The following PJA2 variants were observed in gnomAD, a reference collection of about 807,000 sequenced individuals.
PJA2 encodes praja ring finger ubiquitin ligase 2.
A neutral mutation model predicts 69.3 loss-of-function variants in PJA2; 25 were observed. That is an observed-to-expected ratio of 0.36 (90% CI 0.26 to 0.50). The LOEUF (loss-of-function observed/expected upper bound fraction) is 0.50, where lower values mean the gene tolerates loss of function less well. Ranked by LOEUF, PJA2 falls within the 20% of genes least tolerant of loss-of-function variation. The pLI, the probability that PJA2 is intolerant of heterozygous loss-of-function variation, is 0.96. For missense variants in PJA2, 809 were observed against 830.2 expected (o/e 0.97, Z 0.31); for synonymous variants, 308 against 277.8 (o/e 1.11, Z -1.08).
At chr5:109,391,708 A>G (rs1747285594) in intron 1 of PJA2, among the ~76,000 whole-genome samples, 1 of 152,166 alleles carries the variant, frequency 6.6e-6, no homozygotes, top group South Asian at 2.1e-4. Flanking sequence ...ATGATTATAT[A>G]TGAAAAAAAA....
chr5:109,369,850 T>C (rs1582606283), intron 4 of PJA2, among the ~76,000 whole-genome samples: 2 of 151,990 alleles, frequency 1.3e-5, no homozygotes, highest in African/African-American at 2.4e-5. Context: ...CTGACCAACA[T>C]AGAGAAACTC....
At chr5:109,361,378 G>C (rs1484576794) in intron 6 of PJA2, among the ~76,000 whole-genome samples, 1 of 152,126 alleles carries the variant, frequency 6.6e-6, no homozygotes, top group Non-Finnish European at 1.5e-5. Context: ...AAATCTTAGT[G>C]CCCCTATAGG....
intron 1 of PJA2, among the ~76,000 whole-genome samples, chr5:109,403,606 C>T (rs906332676): frequency 6.6e-6 from 1 of 150,900 alleles, no homozygotes; most frequent in Non-Finnish European, 1.5e-5. Context: ...GTAGATAATA[C>T]ACCATCACCA....
At chr5:109,360,483 T>G (rs1474844467) in intron 6 of PJA2, among the ~76,000 whole-genome samples, 1 of 152,182 alleles carries the variant, frequency 6.6e-6, no homozygotes, top group Admixed American at 6.5e-5. Context: ...GTGCCAAAGT[T>G]TGACTTTAGA....
intron 9 of PJA2, among the ~76,000 whole-genome samples, chr5:109,339,921 A>G (rs1019625208): frequency 6.6e-6 from 1 of 152,210 alleles, no homozygotes; most frequent in Non-Finnish European, 1.5e-5. Flanking sequence ...ATTATTTCCC[A>G]AATTTTGTTC....
chr5:109,342,441 C>T (rs1272649531), intron 9 of PJA2, among the ~76,000 whole-genome samples: 14 of 136,150 alleles, frequency 1.0e-4, no homozygotes, highest in South Asian at 7.0e-4. Flanking sequence ...GTCGGCCCCC[C>T]GCCCGGCCAG....
chr5:109,350,156 T>A (rs1762226860), intron 7 of PJA2, among the ~76,000 whole-genome samples: 1 of 152,180 alleles, frequency 6.6e-6, no homozygotes, highest in Admixed American at 6.5e-5. Flanking sequence ...TAGTAACACC[T>A]GAAATTTCAT....
At chr5:109,404,014 T>A (rs1156961552) in intron 1 of PJA2, among the ~76,000 whole-genome samples, 1 of 151,732 alleles carries the variant, frequency 6.6e-6, no homozygotes, top group Non-Finnish European at 1.5e-5. Flanking sequence ...GAGGCTGTAG[T>A]GAGCTGAGAT....
chr5:109,353,735 G>GACATCTATATATTAGATACCTATTAT (rs1360181614), intron 7 of PJA2, among the ~76,000 whole-genome samples: 6 of 95,902 alleles, frequency 6.3e-5, no homozygotes, highest in Non-Finnish European at 1.2e-4. Flanking sequence ...CCTATATCTA[G>GACATCTATATATTAGATACCTATTAT]ATATCTAGAT....
intron 9 of PJA2, among the ~76,000 whole-genome samples, chr5:109,337,717 A>C (rs1761972885): frequency 6.6e-6 from 1 of 152,172 alleles, no homozygotes; most frequent in African/African-American, 2.4e-5. Context: ...AGTTTAGCTC[A>C]ACAATAATCT....
At chr5:109,364,811 C>A (rs951375232) in intron 5 of PJA2, among the ~76,000 whole-genome samples, 1 of 151,428 alleles carries the variant, frequency 6.6e-6, no homozygotes, top group Non-Finnish European at 1.5e-5. Flanking sequence ...CAATATATAT[C>A]AACAGAAAGG....
intron 1 of PJA2, among the ~76,000 whole-genome samples, chr5:109,386,292 A>T (rs973343269): frequency 6.6e-6 from 1 of 152,202 alleles, no homozygotes; most frequent in Admixed American, 6.5e-5. Flanking sequence ...GATCGTGCCA[A>T]AAGTTAAAGT....
In PJA2 at chr5:109,336,012, T is replaced by C. The variant is rs1315167101; in HGVS notation, c.*1219A>G. On this transcript the variant is annotated 3_prime_UTR_variant, in exon 10 of 10. Transcript: ENST00000361189. ...GTGAAAATTCATTTATTTTTAAGAATGAAAAAAGGAGACGGGATATAAATA... is the reference window on the plus strand; with the variant it reads ...GTGAAAATTCATTTATTTTTAAGAACGAAAAAAGGAGACGGGATATAAATA... 1 of 152,482 alleles carries C rather than the reference T, an allele frequency of 6.6e-6. No homozygotes were observed. Among genetic ancestry groups the C allele is most frequent in the Middle Eastern group, 3.2e-3 (1 of 316 alleles). 9.4% of individuals were successfully genotyped at this position (152,482 alleles called of 1,614,324 possible).
chr5:109,360,679 TA>T (rs1452282852), intron 6 of PJA2, among the ~76,000 whole-genome samples: 5 of 152,334 alleles, frequency 3.3e-5, no homozygotes, highest in East Asian at 1.9e-4. Flanking sequence ...AAATTAATGC[TA>T]AAATGTTTTC....
chr5:109,378,114 A>C, intron 4 of PJA2, 90 bp downstream of exon 4: 1 of 900,372 alleles, frequency 1.1e-6, no homozygotes, highest in Non-Finnish European at 1.7e-6. Flanking sequence ...TTCCCTGATC[A>C]TATCAAATAG....
In PJA2 at chr5:109,378,857, C is replaced by G. The variant is rs907969931; in HGVS notation, c.630G>C (p.Glu210Asp). 1 of 1,613,876 alleles carries G rather than the reference C, an allele frequency of 6.2e-7. No individual in the cohort carries two copies. The highest frequency in any genetic ancestry group is 8.5e-7 in the Non-Finnish European group (1 of 1,180,008). ...TVFELENREA[E>D]AYTGLSPPVP... ...CTGGTGGTGAAAGACCAGTGTATGC[C>G]TCTGCCTCTCTGTTTTCCAACTCAA... The change falls in exon 4 of 10, where the codon GAG becomes GAC. Residue 210 changes from glutamate to aspartate, a missense_variant. Glu to Asp is a conservative substitution (Grantham distance 45). Coordinates refer to ENST00000361189, the MANE Select transcript of PJA2 (RefSeq NM_014819.5).
intron 7 of PJA2, among the ~76,000 whole-genome samples, chr5:109,351,469 A>G (rs1367036269): frequency 6.6e-6 from 1 of 152,144 alleles, no homozygotes; most frequent in Non-Finnish European, 1.5e-5. Flanking sequence ...ACCACTTTTT[A>G]TATTAAAAAT....
At chr5:109,391,888 C>A (rs1315801795) in intron 1 of PJA2, among the ~76,000 whole-genome samples, 2 of 152,090 alleles carry the variant, frequency 1.3e-5, no homozygotes, top group Non-Finnish European at 1.5e-5. Flanking sequence ...CTATAAACAT[C>A]AAATCCCTAG....
chr5:109,341,141 G>A (rs1436383515), intron 9 of PJA2, among the ~76,000 whole-genome samples: 1 of 101,136 alleles, frequency 9.9e-6, no homozygotes, highest in African/African-American at 3.6e-5. Context: ...TGGCTGCCCA[G>A]TCTGGAAAGT....
Sources: gnomAD v4.1 joint callset for allele counts (sites outside exome capture counted in the v4.1 genomes callset) on GRCh38, gnomAD v4.1.1 for gene constraint, MANE v1.5 for transcripts, NCBI Gene and HGNC (gene_info 2026-07-23, HGNC 2026-07-21) for gene names.